FOXP1: variants seen among roughly 807,000 people sequenced by gnomAD.
The protein encoded by FOXP1 is forkhead box P1, also known as forkhead box protein P1.
A neutral mutation model predicts 98.2 loss-of-function variants in FOXP1; 15 were observed. The ratio of observed to expected loss-of-function variants is 0.15; its 90% confidence interval spans 0.10 to 0.24. The LOEUF is 0.24. FOXP1 is among the 10% of genes least tolerant of loss of function. The pLI is 1.00. For missense variants in FOXP1, 633 were observed against 848.5 expected, an observed-to-expected ratio of 0.75 and a Z score of 3.15; for synonymous variants, 371 against 314.5, an observed-to-expected ratio of 1.18 and a Z score of -1.90.
intron 6 of FOXP1, among the ~76,000 whole-genome samples, chr3:71,167,548 T>G (rs2061449499): frequency 6.6e-6 from 1 of 152,204 alleles, no homozygotes; most frequent in African/African-American, 2.4e-5. Context: ...AAAACATGGT[T>G]TTAGAACTTA....
At chr3:70,990,253 T>C (rs1333761227) in intron 13 of FOXP1, among the ~76,000 whole-genome samples, 2 of 152,190 alleles carry the variant, frequency 1.3e-5, no homozygotes, top group Admixed American at 1.3e-4. Context: ...TTTAAATCAA[T>C]TACAGCTCTA....
intron 7 of FOXP1, among the ~76,000 whole-genome samples, chr3:71,101,859 C>G (rs892765992): frequency 2.0e-5 from 3 of 152,112 alleles, no homozygotes; most frequent in African/African-American, 7.2e-5. Flanking sequence ...TGAGCTCTGT[C>G]TGCTTGAATA....
intron 2 of FOXP1, chr3:71,571,153 C>T (rs1012888725): frequency 9.2e-5 from 14 of 152,212 alleles, no homozygotes; most frequent in East Asian, 1.9e-4. Context: ...GTGTTAGAAA[C>T]GCTTTGTTGA....
At chr3:71,289,046 ATTTT>A (rs1196185496) in intron 5 of FOXP1, among the ~76,000 whole-genome samples, 1 of 136,780 alleles carries the variant, frequency 7.3e-6, no homozygotes, top group Non-Finnish European at 1.6e-5. Flanking sequence ...TTATTTATTT[ATTTT>A]TTGAGATGGA....
At position 71,014,986 on chromosome 3, in the gene FOXP1, T is replaced by C. The variant is rs2044230834; in HGVS notation, c.974+563A>G. ...GTGGGGAACATCACACATCAGGGCCTGTCGTGGGGTGGGGGGAGAGGGGAG... is the reference window on the plus strand; with the variant it reads ...GTGGGGAACATCACACATCAGGGCCCGTCGTGGGGTGGGGGGAGAGGGGAG... On this transcript the variant is annotated intron_variant, in intron 12 of 20. Transcript: ENST00000649528. Among the ~76,000 whole-genome samples the C allele has an allele frequency of 2.1e-5, 3 of 141,390 alleles. No homozygotes were observed. The South Asian group carries it at 7.3e-4, about 34-fold the overall frequency. The allele number at this position is 141,390 out of a possible 152,430, so 92.8% of individuals were successfully genotyped here.
chr3:71,190,658 A>G (rs1005603092), intron 6 of FOXP1, among the ~76,000 whole-genome samples: 6 of 151,334 alleles, frequency 4.0e-5, no homozygotes, highest in Admixed American at 6.6e-5. Context: ...AAAAAAAAAA[A>G]AAAGAAAAAG....
intron 6 of FOXP1, among the ~76,000 whole-genome samples, chr3:71,176,834 G>C (rs35764796): frequency 0.16 from 24,233 of 151,386 alleles, 2,437 homozygotes; most frequent in African/African-American, 0.28. Flanking sequence ...GGCTGATGTG[G>C]GCAGACAGCT....
chr3:71,393,482 G>A (rs189564981), intron 3 of FOXP1, among the ~76,000 whole-genome samples: 4 of 147,118 alleles, frequency 2.7e-5, no homozygotes, highest in East Asian at 1.9e-4. Context: ...GTACATTTAC[G>A]CAGTGGATGC....
chr3:71,009,933 T>TTTTG (rs1037522282), intron 12 of FOXP1, among the ~76,000 whole-genome samples: 2 of 151,504 alleles, frequency 1.3e-5, no homozygotes, highest in African/African-American at 4.9e-5. Context: ...TTTTTTTTTT[T>TTTTG]TTGGCAGAGA....
chr3:71,329,290 C>G (rs994150040), intron 4 of FOXP1, among the ~76,000 whole-genome samples: 30 of 151,734 alleles, frequency 2.0e-4, no homozygotes, highest in Non-Finnish European at 4.0e-4. Flanking sequence ...GTCGTGATCT[C>G]TGCTCACTGC....
chr3:70,975,038 T>C (rs1212585416), intron 17 of FOXP1, among the ~76,000 whole-genome samples: 2 of 152,326 alleles, frequency 1.3e-5, no homozygotes, highest in South Asian at 2.1e-4. Flanking sequence ...TCTAAGATCA[T>C]GGTACAAACA....
intron 7 of FOXP1, among the ~76,000 whole-genome samples, chr3:71,086,035 T>G (rs995749683): frequency 3.9e-5 from 6 of 152,112 alleles, no homozygotes; most frequent in Admixed American, 6.6e-5. Context: ...TACGGCCATT[T>G]TATAGACAAA....
chr3:71,011,488 A>C (rs1456404991), intron 12 of FOXP1, among the ~76,000 whole-genome samples: 2 of 152,154 alleles, frequency 1.3e-5, no homozygotes, highest in Non-Finnish European at 2.9e-5. Context: ...ACATAGAAAA[A>C]CAGAGCTAAT....
intron 6 of FOXP1, among the ~76,000 whole-genome samples, chr3:71,131,870 CAGA>C (rs1399647691): frequency 3.9e-5 from 6 of 152,180 alleles, no homozygotes; most frequent in African/African-American, 1.4e-4. Context: ...ATCATAGAAA[CAGA>C]AGACTAGGCT....
intron 14 of FOXP1, 100 bp downstream of exon 14, chr3:70,987,894 C>G (rs1159449035): frequency 1.8e-5 from 19 of 1,085,140 alleles, no homozygotes; most frequent in Middle Eastern, 5.3e-4. Context: ...CAAAGCTCCA[C>G]CAAAGTAGGC....
At chr3:71,402,523 A>AT (rs1260449129) in intron 3 of FOXP1, among the ~76,000 whole-genome samples, 7 of 152,364 alleles carry the variant, frequency 4.6e-5, no homozygotes, top group Middle Eastern at 3.4e-3. Context: ...AAATGACAGA[A>AT]TACTTTGTAC....
chr3:71,509,950 G>A (rs2042082084), intron 2 of FOXP1, among the ~76,000 whole-genome samples: 1 of 152,074 alleles, frequency 6.6e-6, no homozygotes, highest in East Asian at 1.9e-4. Context: ...AGGCCAAGGC[G>A]AGCAGATCAC....
At chr3:71,008,728 A>G (rs1345099260) in intron 12 of FOXP1, among the ~76,000 whole-genome samples, 1 of 152,088 alleles carries the variant, frequency 6.6e-6, no homozygotes, top group East Asian at 1.9e-4. Flanking sequence ...TTATTTGTAC[A>G]GTATTTATCT....
intron 3 of FOXP1, among the ~76,000 whole-genome samples, chr3:71,443,778 A>G (rs1419692886): frequency 6.6e-6 from 1 of 152,214 alleles, no homozygotes; most frequent in Non-Finnish European, 1.5e-5. Context: ...ATACTTTTAA[A>G]TAAAGAATGG....
Sources: gnomAD v4.1 joint callset for allele counts (sites outside exome capture counted in the v4.1 genomes callset) on GRCh38, gnomAD v4.1.1 for gene constraint, MANE v1.5 for transcripts, NCBI Gene and HGNC (gene_info 2026-07-23, HGNC 2026-07-21) for gene names.